Variants in ANKRD17 observed in about 807,000 individuals in gnomAD.
The protein encoded by ANKRD17 is ankyrin repeat domain-containing protein 17.
In ANKRD17, 19 loss-of-function variants were observed where a neutral mutation model predicts 229.7. The observed-to-expected ratio is 0.08, with a 90% CI of 0.06 to 0.12. ANKRD17 has a LOEUF of 0.12. Among genes scored for constraint, ANKRD17 ranks in the 10% least tolerant of loss-of-function variants. The pLI, the probability that ANKRD17 is intolerant of heterozygous loss-of-function variation, is 1.00. For missense variants in ANKRD17, 2,176 were observed against 3,176.8 expected (o/e 0.68, Z 7.57); for synonymous variants, 1,112 against 1,146.1 (o/e 0.97, Z 0.60).
chr4:73,203,458 A>C (rs552087445), intron 1 of ANKRD17, among the ~76,000 whole-genome samples: 4 of 152,146 alleles, frequency 2.6e-5, no homozygotes, highest in Admixed American at 1.3e-4. Context: ...TAGAAAAAAC[A>C]TTTAAAGAAA....
At chr4:73,085,746 A>C (rs1474986441) in intron 29 of ANKRD17, among the ~76,000 whole-genome samples, 1 of 151,080 alleles carries the variant, frequency 6.6e-6, no homozygotes, top group Non-Finnish European at 1.5e-5. Context: ...CCAGGCATGA[A>C]TCTCACTTTG....
At position 73,102,499 on chromosome 4, in the gene ANKRD17, T is replaced by G. The variant is rs1242764871; in HGVS notation, c.4450A>C (p.Arg1484=). 2 of 1,604,206 alleles carry G rather than the reference T, an allele frequency of 1.2e-6. No homozygotes were observed. Among genetic ancestry groups the G allele is most frequent in the African/African-American group, 2.7e-5 (2 of 74,008 alleles). ...TTTTTCTTCCTTCTCTTCTCTTTTC[T>G]TTTTTCTCTTTTCGCAGCCAAAGCC... The part of the protein sequence containing the change: ...RLALAAKREK[R]KEKRRKKKEE... Residue 1484 remains arginine, a synonymous_variant, in exon 25 of 34, where the codon AGA becomes CGA. Coordinates refer to ENST00000358602, the MANE Select transcript of ANKRD17 (RefSeq NM_032217.5).
At chr4:73,230,765 G>A (rs1392871960) in intron 1 of ANKRD17, among the ~76,000 whole-genome samples, 1 of 152,278 alleles carries the variant, frequency 6.6e-6, no homozygotes, top group Non-Finnish European at 1.5e-5. Flanking sequence ...ACTAAACAAA[G>A]TAAGAAACAA....
chr4:73,157,253 A>G (rs887145628), intron 3 of ANKRD17, among the ~76,000 whole-genome samples: 1 of 152,234 alleles, frequency 6.6e-6, no homozygotes, highest in Non-Finnish European at 1.5e-5. Flanking sequence ...TCAGACGGAA[A>G]AGATGGGAGA....
intron 1 of ANKRD17, among the ~76,000 whole-genome samples, chr4:73,206,154 C>T (rs924421871): frequency 4.6e-5 from 7 of 151,930 alleles, no homozygotes; most frequent in African/African-American, 1.7e-4. Flanking sequence ...ATTAATATAG[C>T]CATTATGGAA....
rs1026129431 is a variant in ANKRD17 at position 73,142,627 on chromosome 4, T to C, written c.2085+13A>G. 1.9e-6 allele frequency: 3 copies of C among 1,613,738 alleles called. No individual in the cohort carries two copies. Among genetic ancestry groups the C allele is most frequent in the African/African-American group, 2.7e-5 (2 of 74,876 alleles). On this transcript the variant is annotated intron_variant, in intron 12 of 33. Coordinates refer to ENST00000358602, the MANE Select transcript of ANKRD17 (RefSeq NM_032217.5). ...CTAATTCACAATTCTGCACAAACAT[T>C]TGAGTTACATACTTTCAAACGGTGA... is the stretch of plus-strand genomic sequence containing the variant.
At chr4:73,240,699 A>T (rs1186995366) in intron 1 of ANKRD17, among the ~76,000 whole-genome samples, 1 of 152,162 alleles carries the variant, frequency 6.6e-6, no homozygotes, top group Non-Finnish European at 1.5e-5. Context: ...CTTTAACCAT[A>T]AAACCCCACA....
chr4:73,217,694 A>G (rs992294845), intron 1 of ANKRD17, among the ~76,000 whole-genome samples: 1 of 152,158 alleles, frequency 6.6e-6, no homozygotes, highest in South Asian at 2.1e-4. Flanking sequence ...GAGCACTGAC[A>G]TAATGCCACA....
In ANKRD17 at chr4:73,172,878, G is replaced by A. The variant is rs1734221144; in HGVS notation, c.547+4502C>T. On this transcript the variant is annotated intron_variant, in intron 2 of 33. Coordinates refer to ENST00000358602, the MANE Select transcript of ANKRD17 (RefSeq NM_032217.5). ...CCAGAGAAAATCACTTTCACTGAAA[G>A]GCAGGAAGGAAAGAAGGAAGTTAAC... 1.3e-5 allele frequency among the ~76,000 whole-genome samples: 2 copies of A among 152,080 alleles called. 1 individual carries two copies. Among genetic ancestry groups the A allele is most frequent in the South Asian group, 4.1e-4 (2 of 4,824 alleles).
At chr4:73,119,381 T>A (rs1214693343) in intron 21 of ANKRD17, among the ~76,000 whole-genome samples, 1 of 152,222 alleles carries the variant, frequency 6.6e-6, no homozygotes. Flanking sequence ...CATATACAAT[T>A]TGACCATCCC....
chr4:73,225,958 G>C (rs1742438100), intron 1 of ANKRD17, among the ~76,000 whole-genome samples: 1 of 146,514 alleles, frequency 6.8e-6, no homozygotes, highest in Non-Finnish European at 1.5e-5. Context: ...CTCTGGCATA[G>C]AGCAGGCTCT....
At position 73,113,923 on chromosome 4, in the gene ANKRD17, T is replaced by C; in HGVS notation, c.4285-15A>G. The C allele has an allele frequency of 6.4e-7, 1 of 1,565,070 alleles. No homozygotes were observed. Among genetic ancestry groups the C allele is most frequent in the Non-Finnish European group, 8.8e-7 (1 of 1,141,398 alleles). ...TTCAGCATCTCCTATAATGAAAAAT[T>C]AAGATTTTTCCAGGCTCACAGAACA... On this transcript the variant is annotated splice_polypyrimidine_tract_variant and intron_variant, in intron 23 of 33. Transcript: ENST00000358602.
intron 1 of ANKRD17, among the ~76,000 whole-genome samples, chr4:73,220,758 G>A (rs774573501): frequency 4.8e-4 from 73 of 152,032 alleles, no homozygotes; most frequent in Non-Finnish European, 7.7e-4. Flanking sequence ...AATTCCGTAT[G>A]TTCAATAAAT....
intron 1 of ANKRD17, among the ~76,000 whole-genome samples, chr4:73,191,337 A>ATG (rs1349894740): frequency 5.0e-4 from 31 of 61,914 alleles, no homozygotes; most frequent in African/African-American, 2.0e-3. Flanking sequence ...ACCAAAAAAT[A>ATG]TATATGTGTG....
At chr4:73,140,524 T>G (rs1010525758) in intron 14 of ANKRD17, among the ~76,000 whole-genome samples, 3 of 152,224 alleles carry the variant, frequency 2.0e-5, no homozygotes, top group Admixed American at 2.0e-4. Context: ...GCACATGGCT[T>G]AAATTAGACA....
Position 73,228,315 on chromosome 4 carries a change from A to C in ANKRD17, c.393+29961T>G, listed in dbSNP as rs370929691. On this transcript the variant is annotated intron_variant, in intron 1 of 33. Coordinates refer to ENST00000358602, the MANE Select transcript of ANKRD17 (RefSeq NM_032217.5). ...CATGATTTTACCTTTTATTTCTCCT[A>C]AACTACTCATGCTATAAAATGACTG... 5.3e-5 allele frequency among the ~76,000 whole-genome samples: 8 copies of C among 152,180 alleles called. No homozygotes were observed. In the East Asian group the frequency reaches 9.6e-4, roughly 18 times the overall value.
chr4:73,162,310 A>T (rs1221595663), intron 2 of ANKRD17, among the ~76,000 whole-genome samples: 1 of 152,096 alleles, frequency 6.6e-6, no homozygotes, highest in Non-Finnish European at 1.5e-5. Flanking sequence ...TCAGCATGCC[A>T]AAGTACTGGG....
intron 1 of ANKRD17, among the ~76,000 whole-genome samples, chr4:73,222,641 G>A (rs946882242): frequency 6.6e-6 from 1 of 152,188 alleles, no homozygotes; most frequent in African/African-American, 2.4e-5. Flanking sequence ...ACTCAAAGCT[G>A]CTTTGCAGAC....
At chr4:73,082,140 A>G (rs1721630857) in intron 30 of ANKRD17, among the ~76,000 whole-genome samples, 2 of 137,468 alleles carry the variant, frequency 1.5e-5, no homozygotes. Context: ...ACAGAGAGAT[A>G]CATTATCTTT....
Sources: gnomAD v4.1 joint callset for allele counts (sites outside exome capture counted in the v4.1 genomes callset) on GRCh38, gnomAD v4.1.1 for gene constraint, MANE v1.5 for transcripts, NCBI Gene and HGNC (gene_info 2026-07-23, HGNC 2026-07-21) for gene names.